WDPCP: variants seen among roughly 807,000 people sequenced by gnomAD.
The protein encoded by WDPCP is WD repeat-containing and planar cell polarity effector protein fritz homolog.
A neutral mutation model predicts 93.1 loss-of-function variants in WDPCP; 71 were observed. The ratio of observed to expected loss-of-function variants is 0.76; its 90% CI spans 0.63 to 0.93. WDPCP has a LOEUF of 0.93. Ranked by LOEUF, WDPCP falls within the 40% of genes least tolerant of loss-of-function variation. WDPCP has a pLI of 0.00. For synonymous variants in WDPCP, 315 were observed against 315.0 expected (o/e 1.00, Z 0.00); for missense variants, 844 against 887.4 (o/e 0.95, Z 0.62).
chr2:63,185,621 A>G (rs1046709193), intron 14 of WDPCP, among the ~76,000 whole-genome samples: 30 of 152,204 alleles, frequency 2.0e-4, no homozygotes, highest in African/African-American at 7.2e-4. Flanking sequence ...ATAGGTCACA[A>G]GGAGCTCATC....
At chr2:63,438,098 T>C in intron 7 of WDPCP, 1 of 971,452 alleles carries the variant, frequency 1.0e-6, no homozygotes, top group African/African-American at 1.7e-5. Context: ...TAATATCTAA[T>C]AATGAAAATT....
chr2:63,754,127 G>A (rs747131571), intron 2 of WDPCP, among the ~76,000 whole-genome samples: 6 of 152,220 alleles, frequency 3.9e-5, no homozygotes, highest in East Asian at 3.8e-4. Flanking sequence ...GGCAAGGGCT[G>A]GACTTTTATG....
At chr2:63,773,760 A>G (rs542726550) in intron 2 of WDPCP, among the ~76,000 whole-genome samples, 15 of 152,096 alleles carry the variant, frequency 9.9e-5, no homozygotes, top group Admixed American at 3.3e-4. Context: ...AAAGAGCTAT[A>G]TAATTTAATG....
At chr2:63,156,686 C>T (rs368868485) in intron 15 of WDPCP, among the ~76,000 whole-genome samples, 3 of 152,172 alleles carry the variant, frequency 2.0e-5, no homozygotes, top group Non-Finnish European at 2.9e-5. Context: ...TGCAGTGAGC[C>T]GAGGTCGTGC....
intron 13 of WDPCP, among the ~76,000 whole-genome samples, chr2:63,271,942 G>A (rs1018487310): frequency 5.5e-4 from 83 of 152,032 alleles, no homozygotes; most frequent in African/African-American, 1.3e-3. Context: ...CACTGCTACC[G>A]TCATTGCTAA....
chr2:63,393,216 T>C (rs2105047151), intron 10 of WDPCP, among the ~76,000 whole-genome samples: 1 of 152,234 alleles, frequency 6.6e-6, no homozygotes, highest in South Asian at 2.1e-4. Context: ...TAAAAAAGGA[T>C]GAGTTCATGT....
At chr2:63,678,201 T>C (rs1190322263) in intron 2 of WDPCP, among the ~76,000 whole-genome samples, 2 of 152,224 alleles carry the variant, frequency 1.3e-5, no homozygotes, top group African/African-American at 2.4e-5. Context: ...GTTTGTTGGC[T>C]TTCAGTATTA....
At chr2:63,549,745 C>A (rs1257521842) in intron 1 of WDPCP, among the ~76,000 whole-genome samples, 1 of 152,040 alleles carries the variant, frequency 6.6e-6, no homozygotes, top group Non-Finnish European at 1.5e-5. Flanking sequence ...CCATCCTGGA[C>A]GACAGAGTGA....
chr2:63,323,099 G>A (rs745873252), intron 12 of WDPCP, among the ~76,000 whole-genome samples: 4 of 152,162 alleles, frequency 2.6e-5, no homozygotes, highest in Non-Finnish European at 4.4e-5. Context: ...TTCAGCTCCG[G>A]GGTCCCAACA....
chr2:63,194,882 T>C (rs912230699), intron 14 of WDPCP, among the ~76,000 whole-genome samples: 1 of 152,122 alleles, frequency 6.6e-6, no homozygotes, highest in Admixed American at 6.5e-5. Context: ...AAGTAGAAAA[T>C]AAAATCAATA....
chr2:63,646,099 C>T (rs1036575762), intron 3 of WDPCP, among the ~76,000 whole-genome samples: 10 of 151,974 alleles, frequency 6.6e-5, no homozygotes, highest in Admixed American at 6.6e-4. Context: ...TCCTGTCTTC[C>T]CTTTAGTGAA....
At chr2:63,840,563 A>C in the WDPCP span, among the ~76,000 whole-genome samples, 32 of 151,612 alleles carry the variant, frequency 2.1e-4, no homozygotes, top group African/African-American at 7.5e-4. Flanking sequence ...ACGCATCCTC[A>C]CCCTCCCCCA....
chr2:63,174,253 G>A (rs1352708370), intron 15 of WDPCP, among the ~76,000 whole-genome samples: 1 of 151,710 alleles, frequency 6.6e-6, no homozygotes, highest in Non-Finnish European at 1.5e-5. Context: ...TAGCAAACTG[G>A]ACAGATATCA....
chr2:63,127,413 G>A (rs986910654), intron 17 of WDPCP, among the ~76,000 whole-genome samples: 14 of 151,648 alleles, frequency 9.2e-5, no homozygotes, highest in Non-Finnish European at 1.8e-4. Flanking sequence ...GTGAGCCACC[G>A]CACCCGGCCT....
At chr2:63,292,504 T>G (rs912316103) in intron 13 of WDPCP, among the ~76,000 whole-genome samples, 1 of 152,190 alleles carries the variant, frequency 6.6e-6, no homozygotes, top group Admixed American at 6.5e-5. Flanking sequence ...AGAATTCTAG[T>G]ATTTCTCAGA....
At chr2:63,321,047 G>A (rs1687041664) in intron 12 of WDPCP, among the ~76,000 whole-genome samples, 1 of 151,866 alleles carries the variant, frequency 6.6e-6, no homozygotes, top group Admixed American at 6.6e-5. Context: ...TTAAAAAACA[G>A]TATTAAAGGA....
At chr2:63,496,390 C>T (rs1337021877) in intron 1 of WDPCP, among the ~76,000 whole-genome samples, 1 of 152,152 alleles carries the variant, frequency 6.6e-6, no homozygotes, top group Non-Finnish European at 1.5e-5. Context: ...GGCAGAAAAA[C>T]ACCTTTTACT....
At chr2:63,406,684 T>C (rs982237931) in intron 9 of WDPCP, among the ~76,000 whole-genome samples, 3 of 152,222 alleles carry the variant, frequency 2.0e-5, no homozygotes, top group African/African-American at 7.2e-5. Context: ...GATAGTCATA[T>C]AGAAGTATGA....
At chr2:63,306,095 G>C (rs978504779) in intron 13 of WDPCP, among the ~76,000 whole-genome samples, 1 of 152,192 alleles carries the variant, frequency 6.6e-6, no homozygotes. Flanking sequence ...ACTACCATCA[G>C]AGAATACTAT....
Sources: allele counts gnomAD v4.1 joint callset (sites outside exome capture counted in the v4.1 genomes callset), GRCh38; gene constraint gnomAD v4.1.1; transcripts MANE v1.5; gene names NCBI Gene and HGNC (gene_info 2026-07-23, HGNC 2026-07-21).